Variants in NTNG1 observed in about 807,000 individuals in gnomAD.
NTNG1 encodes netrin G1.
NTNG1 carries 16 observed loss-of-function variants against 54.0 expected under a neutral mutation model. The ratio of observed to expected loss-of-function variants is 0.30; its 90% CI spans 0.20 to 0.45. The LOEUF is 0.45. Among genes scored for constraint, NTNG1 ranks in the 20% least tolerant of loss-of-function variants. The pLI is 1.00. For missense variants in NTNG1, 530 were observed against 678.7 expected (o/e 0.78, Z 2.43); for synonymous variants, 255 against 263.1 (o/e 0.97, Z 0.30).
intron 2 of NTNG1, among the ~76,000 whole-genome samples, chr1:107,188,936 T>C (rs1383414301): frequency 2.6e-5 from 4 of 152,146 alleles, no homozygotes; most frequent in Admixed American, 6.6e-5. Context: ...AATTGGATAA[T>C]GGCATACAAA....
intron 6 of NTNG1, among the ~76,000 whole-genome samples, chr1:107,434,992 G>A (rs1029672822): frequency 3.3e-5 from 5 of 151,934 alleles, no homozygotes; most frequent in Admixed American, 3.3e-4. Flanking sequence ...GATATATTAT[G>A]GTTTAAATGT....
chr1:107,340,639 C>G (rs1303128784), intron 3 of NTNG1, among the ~76,000 whole-genome samples: 1 of 151,906 alleles, frequency 6.6e-6, no homozygotes, highest in Non-Finnish European at 1.5e-5. Context: ...AAATGAGATG[C>G]CAGAGGAAAT....
At chr1:107,227,065 A>G (rs923698553) in intron 2 of NTNG1, among the ~76,000 whole-genome samples, 3 of 152,094 alleles carry the variant, frequency 2.0e-5, no homozygotes, top group African/African-American at 4.8e-5. Context: ...GGATCGGAGT[A>G]GGGGTGGAGA....
intron 2 of NTNG1, among the ~76,000 whole-genome samples, chr1:107,289,574 A>C (rs1665448369): frequency 6.6e-6 from 1 of 152,094 alleles, no homozygotes; most frequent in Non-Finnish European, 1.5e-5. Flanking sequence ...TCTCAACTTA[A>C]ATATCACTTC....
chr1:107,396,151 AAG>A (rs1672670441), intron 4 of NTNG1, among the ~76,000 whole-genome samples: 1 of 152,196 alleles, frequency 6.6e-6, no homozygotes, highest in South Asian at 2.1e-4. Flanking sequence ...AAAGTAGAGA[AAG>A]GGGGAGATTA....
intron 1 of NTNG1, among the ~76,000 whole-genome samples, chr1:107,144,913 G>A (rs1262180504): frequency 6.6e-6 from 1 of 151,986 alleles, no homozygotes; most frequent in African/African-American, 2.4e-5. Context: ...AGTTCCCAAG[G>A]TCTGCAAAGT....
chr1:107,449,683 C>G (rs968345047), intron 7 of NTNG1, among the ~76,000 whole-genome samples: 3 of 150,404 alleles, frequency 2.0e-5, no homozygotes, highest in African/African-American at 7.3e-5. Context: ...TTGCTTTTTT[C>G]CTCAAAAATC....
At chr1:107,333,757 G>T (rs1392569762) in intron 3 of NTNG1, among the ~76,000 whole-genome samples, 1 of 151,060 alleles carries the variant, frequency 6.6e-6, no homozygotes, top group Non-Finnish European at 1.5e-5. Context: ...CTATATTACT[G>T]CTACTTTGGG....
chr1:107,381,698 C>T (rs539131137), intron 3 of NTNG1, among the ~76,000 whole-genome samples: 1 of 152,286 alleles, frequency 6.6e-6, no homozygotes, highest in South Asian at 2.1e-4. Flanking sequence ...GAAAAATAAT[C>T]CAAACCAGTT....
chr1:107,359,246 T>A (rs772881868), intron 3 of NTNG1, among the ~76,000 whole-genome samples: 3 of 152,190 alleles, frequency 2.0e-5, no homozygotes, highest in Non-Finnish European at 4.4e-5. Flanking sequence ...ATTTTTCTCA[T>A]AAATGAAGTT....
chr1:107,355,300 CTT>C (rs934185581), intron 3 of NTNG1, among the ~76,000 whole-genome samples: 1 of 148,688 alleles, frequency 6.7e-6, no homozygotes, highest in African/African-American at 2.5e-5. Context: ...TGACATCATT[CTT>C]TTTACTTTTT....
At chr1:107,236,767 T>G (rs1366517176) in intron 2 of NTNG1, among the ~76,000 whole-genome samples, 2 of 152,116 alleles carry the variant, frequency 1.3e-5, no homozygotes, top group Admixed American at 6.5e-5. Context: ...AATATTTTTT[T>G]TTGCCTGCTG....
rs368706531 is a variant in NTNG1 at position 107,305,043 on chromosome 1, A to G, written c.247-19239A>G. On this transcript the variant is annotated intron_variant, in intron 2 of 7. Transcript: ENST00000370068. ...AGAATGATGGTTTCCAGCTTTATCC[A>G]TGTCCCTGCAAAAGACATGAATTTA... Among the ~76,000 whole-genome samples, 195 of 152,268 alleles carry G rather than the reference A, an allele frequency of 1.3e-3. 1 individual carries two copies. Among genetic ancestry groups the G allele is most frequent in the African/African-American group, 4.6e-3 (190 of 41,542 alleles).
chr1:107,336,054 C>T (rs527383303), intron 3 of NTNG1, among the ~76,000 whole-genome samples: 15 of 151,604 alleles, frequency 9.9e-5, no homozygotes, highest in East Asian at 9.7e-4. Context: ...ATCCCATTGA[C>T]GATATTTTCC....
chr1:107,361,348 TACATTATATAACATATATATATATAC>T (rs1670265406), intron 3 of NTNG1, among the ~76,000 whole-genome samples: 2 of 130,886 alleles, frequency 1.5e-5, no homozygotes, highest in Non-Finnish European at 3.2e-5. Context: ...AATGAATATA[TACATTATATAACATATATATATATAC>T]ATATATATAT....
chr1:107,359,392 A>G (rs774003392), intron 3 of NTNG1, among the ~76,000 whole-genome samples: 2 of 152,210 alleles, frequency 1.3e-5, no homozygotes, highest in African/African-American at 4.8e-5. Context: ...ACCAGTTAAG[A>G]TATCAGAGAA....
chr1:107,433,262 G>T lies in NTNG1; in HGVS notation c.1255+2345G>T, dbSNP rs79024317. On this transcript the variant is annotated intron_variant, in intron 6 of 7. Coordinates refer to ENST00000370068, the MANE Select transcript of NTNG1 (RefSeq NM_001113226.3). Reference sequence around the variant, plus strand: ...GGTACTATTAAAGTTAGCTACATTAGGCCAGGTGCAATGGCTAATGCCTGT... The same window carrying T: ...GGTACTATTAAAGTTAGCTACATTATGCCAGGTGCAATGGCTAATGCCTGT... 7.5e-3 allele frequency among the ~76,000 whole-genome samples: 1,141 copies of T among 152,286 alleles called. 16 individuals carry two copies. Among genetic ancestry groups the T allele is most frequent in the African/African-American group, 0.025 (1,051 of 41,564 alleles).
rs576716601 is a variant in NTNG1 at position 107,482,998 on chromosome 1, G to C, written c.*2158G>C. On this transcript the variant is annotated 3_prime_UTR_variant, in exon 8 of 8. Coordinates refer to ENST00000370068, the MANE Select transcript of NTNG1 (RefSeq NM_001113226.3). ...GGCTTAGTGCCAGAGTGGCCAACCA[G>C]AAATTGGAGATTTACGTTGGAAGCA... 1.4e-4 allele frequency: 22 copies of C among 152,172 alleles called. No homozygotes were observed. The highest frequency in any genetic ancestry group is 8.8e-5 in the Non-Finnish European group (6 of 68,026). 9.4% of individuals were successfully genotyped at this position (152,172 alleles called of 1,614,324 possible). A position where few individuals can be genotyped will look rare whatever the true frequency, so the allele number is the denominator to read the frequency against.
chr1:107,467,673 G>T (rs1372250449), intron 7 of NTNG1, among the ~76,000 whole-genome samples: 1 of 152,206 alleles, frequency 6.6e-6, no homozygotes, highest in Admixed American at 6.5e-5. Context: ...TCAGGAATTT[G>T]TAAGTGGGAA....
Sources: allele counts gnomAD v4.1 joint callset (sites outside exome capture counted in the v4.1 genomes callset), GRCh38; gene constraint gnomAD v4.1.1; transcripts MANE v1.5; gene names NCBI Gene and HGNC (gene_info 2026-07-23, HGNC 2026-07-21).